VWC2L: variants seen among roughly 807,000 people sequenced by gnomAD.
VWC2L encodes von Willebrand factor C domain containing 2 like, also known as von Willebrand factor C domain-containing protein 2-like.
In VWC2L, 10 loss-of-function variants were observed where a neutral mutation model predicts 21.6. The observed-to-expected ratio is 0.46, with a 90% CI of 0.29 to 0.78. The LOEUF is 0.78. Among genes scored for constraint, VWC2L ranks in the 30% least tolerant of loss-of-function variants. The probability of loss-of-function intolerance (pLI) is 0.10; values close to 1 mark genes in which losing one functional copy is unlikely to be tolerated. For synonymous variants in VWC2L, 96 were observed against 94.3 expected, an observed-to-expected ratio of 1.02 and a Z score of -0.10; for missense variants, 209 against 277.1, an observed-to-expected ratio of 0.75 and a Z score of 1.74.
rs186574716 is a variant in VWC2L, at chr2:214,546,634, G to A, written c.521-29038G>A. ...AAAACACATGTATTGTTCAGGTACC[G>A]AGAAACCTTGTCATATGATTTCTAT... On this transcript the variant is annotated intron_variant, in intron 3 of 3. Coordinates refer to ENST00000312504, the MANE Select transcript of VWC2L (RefSeq NM_001080500.4). Among the ~76,000 whole-genome samples the A allele has an allele frequency of 6.7e-4, 102 of 152,196 alleles. 1 individual carries two copies. The highest frequency in any genetic ancestry group is 3.4e-3 in the Middle Eastern group (1 of 294).
chr2:214,459,914 T>C (rs1703114103), intron 3 of VWC2L, among the ~76,000 whole-genome samples: 1 of 144,902 alleles, frequency 6.9e-6, no homozygotes, highest in Non-Finnish European at 1.5e-5. Context: ...TTTTTTTTTT[T>C]TTTTTTTTTT....
In VWC2L at chr2:214,531,662, C is replaced by T. The variant is rs556542648; in HGVS notation, c.521-44010C>T. Among the ~76,000 whole-genome samples, 52 of 152,134 alleles carry T rather than the reference C, an allele frequency of 3.4e-4. No homozygotes were observed. In the South Asian group the frequency reaches 9.7e-3, roughly 29 times the overall value. On this transcript the variant is annotated intron_variant, in intron 3 of 3. Coordinates refer to ENST00000312504, the MANE Select transcript of VWC2L (RefSeq NM_001080500.4). Reference sequence around the variant, plus strand: ...TCACATTAAGGCAGAGCCAGAGGTACCGTGGCCCAAAGGACAGTACAGCTA... The same window carrying T: ...TCACATTAAGGCAGAGCCAGAGGTATCGTGGCCCAAAGGACAGTACAGCTA...
At chr2:214,518,850 T>A (rs900861612) in intron 3 of VWC2L, among the ~76,000 whole-genome samples, 1 of 152,202 alleles carries the variant, frequency 6.6e-6, no homozygotes, top group Non-Finnish European at 1.5e-5. Context: ...AATGCAAATA[T>A]TAACCTTCAC....
chr2:214,414,090 T>C (rs1702317023), intron 1 of VWC2L, 24 bp from the exon 2 acceptor site: 2 of 1,267,854 alleles, frequency 1.6e-6, no homozygotes, highest in Admixed American at 2.5e-5. Context: ...TGTCAAATTA[T>C]TCTTTTTAAA....
rs1038934142 is a variant in VWC2L, at chr2:214,417,028, T to C, written c.390+2445T>C. ...GAATTCTCATACCTTTTTAAAATGC[T>C]CTACTTATCCCTATGAACCATACAA... On this transcript the variant is annotated intron_variant, in intron 2 of 3. Coordinates refer to ENST00000312504, the MANE Select transcript of VWC2L (RefSeq NM_001080500.4). Among the ~76,000 whole-genome samples the C allele has an allele frequency of 4.6e-5, 7 of 152,144 alleles. No individual in the cohort carries two copies. In the East Asian group the frequency reaches 5.8e-4, roughly 13 times the overall value.
At chr2:214,470,673 T>C (rs1273252495) in intron 3 of VWC2L, among the ~76,000 whole-genome samples, 1 of 151,550 alleles carries the variant, frequency 6.6e-6, no homozygotes, top group African/African-American at 2.4e-5. Flanking sequence ...CTTTGGGAGG[T>C]TGAGGCAGGT....
At chr2:214,510,031 T>C (rs535124209) in intron 3 of VWC2L, among the ~76,000 whole-genome samples, 1 of 152,348 alleles carries the variant, frequency 6.6e-6, no homozygotes, top group Non-Finnish European at 1.5e-5. Flanking sequence ...GTTGAAACTA[T>C]GGGATTACAA....
chr2:214,421,298 A>G (rs1003498505), intron 2 of VWC2L, among the ~76,000 whole-genome samples: 33 of 152,374 alleles, frequency 2.2e-4, no homozygotes, highest in Admixed American at 7.8e-4. Context: ...GAGTAGAATT[A>G]TAAGAATAAA....
At chr2:214,413,666 T>C (rs1702311176) in intron 1 of VWC2L, among the ~76,000 whole-genome samples, 1 of 152,190 alleles carries the variant, frequency 6.6e-6, no homozygotes, top group East Asian at 1.9e-4. Context: ...TCCTTTAGAA[T>C]TAGATTTTTT....
intron 3 of VWC2L, among the ~76,000 whole-genome samples, chr2:214,538,901 T>C (rs1214622249): frequency 6.6e-6 from 1 of 152,088 alleles, no homozygotes; most frequent in East Asian, 1.9e-4. Context: ...AGAGACGAAT[T>C]AGCTGTCTAG....
intron 3 of VWC2L, among the ~76,000 whole-genome samples, chr2:214,551,659 G>C (rs188329404): frequency 6.6e-6 from 1 of 152,226 alleles, no homozygotes; most frequent in Non-Finnish European, 1.5e-5. Flanking sequence ...CTTAAAACCT[G>C]CAGTTCATTA....
At chr2:214,514,137 T>C (rs1296481895) in intron 3 of VWC2L, among the ~76,000 whole-genome samples, 1 of 149,280 alleles carries the variant, frequency 6.7e-6, no homozygotes, top group Non-Finnish European at 1.5e-5. Context: ...GATAAGCAGT[T>C]GTTAAGGTTC....
At chr2:214,435,466 A>G (rs899912139) in intron 2 of VWC2L, among the ~76,000 whole-genome samples, 1 of 152,192 alleles carries the variant, frequency 6.6e-6, no homozygotes. Context: ...AGACAAAATG[A>G]ATTTTTAAAA....
intron 3 of VWC2L, among the ~76,000 whole-genome samples, chr2:214,514,991 A>T (rs1689117742): frequency 1.3e-5 from 2 of 152,162 alleles, no homozygotes; most frequent in Non-Finnish European, 2.9e-5. Context: ...TGGCAAATTT[A>T]TTTTTTCAAG....
At position 214,413,615 on chromosome 2, in the gene VWC2L, T is replaced by C. The variant is rs1419078623; in HGVS notation, c.-80-499T>C. Among the ~76,000 whole-genome samples, 4 of 152,304 alleles carry C rather than the reference T, an allele frequency of 2.6e-5. No homozygotes were observed. The East Asian group carries it at 5.8e-4, about 22-fold the overall frequency. On this transcript the variant is annotated intron_variant, in intron 1 of 3. Coordinates refer to ENST00000312504, the MANE Select transcript of VWC2L (RefSeq NM_001080500.4). ...TAGGAAATCCTTTATAGTAGCTCCT[T>C]CCTAAATATAATTTATATTCAACTG...
intron 3 of VWC2L, among the ~76,000 whole-genome samples, chr2:214,451,311 G>A (rs540444613): frequency 2.0e-5 from 3 of 150,000 alleles, no homozygotes; most frequent in Admixed American, 6.6e-5. Flanking sequence ...GTCGGTGTGG[G>A]GGGGGGGGGC....
At chr2:214,417,900 G>C (rs1006476471) in intron 2 of VWC2L, among the ~76,000 whole-genome samples, 1 of 152,018 alleles carries the variant, frequency 6.6e-6, no homozygotes, top group Non-Finnish European at 1.5e-5. Context: ...AAGAGAATGA[G>C]GTGCACAAGC....
In VWC2L at chr2:214,576,491, CA is replaced by C. The variant is rs755001810; in HGVS notation, c.*674del. ...GTGGGGGCTCACAATTTAATTCTTA[CA>C]AACCACACATTTCATATGGAAAACC... On this transcript the variant is annotated 3_prime_UTR_variant, in exon 4 of 4. Transcript: ENST00000312504. 1 of 152,154 alleles carries C rather than the reference CA, an allele frequency of 6.6e-6. No individual in the cohort carries two copies. Among genetic ancestry groups the C allele is most frequent in the East Asian group, 1.9e-4 (1 of 5,192 alleles). The allele number at this position is 152,154 out of a possible 1,614,324, so 9.4% of individuals were successfully genotyped here.
intron 3 of VWC2L, among the ~76,000 whole-genome samples, chr2:214,562,497 G>T (rs532951095): frequency 1.1e-4 from 17 of 152,200 alleles, no homozygotes; most frequent in Non-Finnish European, 2.4e-4. Flanking sequence ...ACATTATTTG[G>T]GTATATACCC....
Sources: allele counts gnomAD v4.1 joint callset (sites outside exome capture counted in the v4.1 genomes callset), GRCh38; gene constraint gnomAD v4.1.1; transcripts MANE v1.5; gene names NCBI Gene and HGNC (gene_info 2026-07-23, HGNC 2026-07-21).